TMEM233: variants seen among roughly 807,000 people sequenced by gnomAD.
TMEM233 encodes transmembrane protein 233, also known as dispanin subfamily B member 2.
TMEM233 carries 6 observed loss-of-function variants against 11.2 expected under a neutral mutation model. That is an observed-to-expected ratio of 0.54 (90% CI 0.29 to 1.06). The LOEUF (loss-of-function observed/expected upper bound fraction) is 1.06. Ranked by LOEUF, TMEM233 falls within the 50% of genes least tolerant of loss-of-function variation. The pLI is 0.08. For synonymous variants in TMEM233, 59 were observed against 55.8 expected, an observed-to-expected ratio of 1.06 and a Z score of -0.26; for missense variants, 127 against 144.7, an observed-to-expected ratio of 0.88 and a Z score of 0.63.
At chr12:119,652,121 G>T in the TMEM233 span, among the ~76,000 whole-genome samples, 1 of 152,132 alleles carries the variant, frequency 6.6e-6, no homozygotes, top group African/African-American at 2.4e-5. Flanking sequence ...GAGAAATTTG[G>T]CAATTTCTAG....
chr12:119,640,858 A>AAAC lies in TMEM233; in HGVS notation c.*155_*156insCAA. 1.4e-5 allele frequency: 8 copies of AAAC among 569,562 alleles called. No individual in the cohort carries two copies. Among genetic ancestry groups the AAAC allele is most frequent in the African/African-American group, 2.3e-5 (1 of 42,664 alleles). The allele number at this position is 569,562 out of a possible 1,614,324, so 35.3% of individuals were successfully genotyped here. A position where few individuals can be genotyped will look rare whatever the true frequency, so the allele number is the denominator to read the frequency against. The stretch of plus-strand genomic sequence containing the variant: ...GCAGGTCCCTGGCAAATGAACAAGA[A>AAAC]AAAAAAAAAAAAAAAGTCCAAAATT... On this transcript the variant is annotated 3_prime_UTR_variant, in exon 3 of 3. Coordinates refer to ENST00000426426, the MANE Select transcript of TMEM233 (RefSeq NM_001136534.3).
rs190422788 is a variant in TMEM233 at position 119,610,320 on chromosome 12, C to A, written c.186+16286C>A. On this transcript the variant is annotated intron_variant, in intron 1 of 2. Coordinates refer to ENST00000426426, the MANE Select transcript of TMEM233 (RefSeq NM_001136534.3). ...AGGCTCATAGGCAGAAGGGACTTGCCTTGTCTTCAATGAGACTTTGGATCT... is the reference window on the plus strand; with the variant it reads ...AGGCTCATAGGCAGAAGGGACTTGCATTGTCTTCAATGAGACTTTGGATCT... Among the ~76,000 whole-genome samples the A allele has an allele frequency of 4.6e-5, 7 of 152,284 alleles. No individual in the cohort carries two copies. The East Asian group carries it at 1.4e-3, about 29-fold the overall frequency.
chr12:119,618,368 C>T (rs1317705702), intron 1 of TMEM233, among the ~76,000 whole-genome samples: 1 of 152,194 alleles, frequency 6.6e-6, no homozygotes, highest in African/African-American at 2.4e-5. Flanking sequence ...CACTGGGGCA[C>T]TGCCTAGTGG....
chr12:119,627,102 A>G lies in TMEM233; in HGVS notation c.187-2634A>G, dbSNP rs182072704. 1.4e-3 allele frequency among the ~76,000 whole-genome samples: 208 copies of G among 152,354 alleles called. 1 individual carries two copies. The highest frequency in any genetic ancestry group is 0.012 in the Admixed American group (182 of 15,302). On this transcript the variant is annotated intron_variant, in intron 1 of 2. Transcript: ENST00000426426. Reference sequence around the variant, plus strand: ...TCAGAGTAGCTGCTATTTATCAGTGAGTACAGAGTATTTCAACATTTTAAC... The same window carrying G: ...TCAGAGTAGCTGCTATTTATCAGTGGGTACAGAGTATTTCAACATTTTAAC...
intron 2 of TMEM233, among the ~76,000 whole-genome samples, chr12:119,637,055 T>C (rs954202459): frequency 2.0e-5 from 3 of 152,132 alleles, no homozygotes; most frequent in African/African-American, 4.8e-5. Flanking sequence ...TGGGCTCACA[T>C]AGAAGGAATA....
chr12:119,637,102 C>T (rs950561269), intron 2 of TMEM233, among the ~76,000 whole-genome samples: 6 of 152,196 alleles, frequency 3.9e-5, no homozygotes, highest in East Asian at 3.8e-4. Flanking sequence ...GATCATTGAG[C>T]GGGGCGGCAG....
chr12:119,646,611 G>A (rs965271725), downstream of TMEM233, among the ~76,000 whole-genome samples: 2 of 152,058 alleles, frequency 1.3e-5, no homozygotes, highest in Non-Finnish European at 2.9e-5. Flanking sequence ...CATCTTCAAC[G>A]GCAGCAAAGT....
At chr12:119,640,502 A>G (rs1465146262) in intron 2 of TMEM233, among the ~76,000 whole-genome samples, 197 bp from the exon 3 acceptor site, 1 of 152,206 alleles carries the variant, frequency 6.6e-6, no homozygotes, top group Non-Finnish European at 1.5e-5. Flanking sequence ...AAGATAAAAT[A>G]AGTTTTACAA....
At chr12:119,650,628 T>TTTGTTGTTGTTGTTGTTGTTG in the TMEM233 span, among the ~76,000 whole-genome samples, 29 of 151,452 alleles carry the variant, frequency 1.9e-4, no homozygotes, top group African/African-American at 6.8e-4. Context: ...CTTATTTGAT[T>TTTGTTGTTGTTGTTGTTGTTG]TTGTTGTTGT....
At position 119,595,310 on chromosome 12, in the gene TMEM233, G is replaced by A; in HGVS notation, c.186+1276G>A. Among the ~76,000 whole-genome samples the A allele has an allele frequency of 6.6e-6, 1 of 152,212 alleles. No homozygotes were observed. On this transcript the variant is annotated intron_variant, in intron 1 of 2. Coordinates refer to ENST00000426426, the MANE Select transcript of TMEM233 (RefSeq NM_001136534.3). The surrounding 1 kb of genome is among the most constrained non-coding windows in gnomAD (Gnocchi z 4.3). Reference sequence around the variant, plus strand: ...GCCACGGAACTCCCCGGCCACAGACGCAGAGCCCTGATTCAGCGCTGTGAA... The same window carrying A: ...GCCACGGAACTCCCCGGCCACAGACACAGAGCCCTGATTCAGCGCTGTGAA...
intron 1 of TMEM233, among the ~76,000 whole-genome samples, chr12:119,623,229 G>A (rs912981425): frequency 4.6e-5 from 7 of 152,172 alleles, no homozygotes; most frequent in Non-Finnish European, 7.3e-5. Flanking sequence ...ACAGCCAGGA[G>A]TTGCCATTTA....
chr12:119,631,496 G>C (rs1954884746), intron 2 of TMEM233: 1 of 985,312 alleles, frequency 1.0e-6, no homozygotes. Context: ...AAATAAAAGA[G>C]AAAAGGACAC....
chr12:119,596,947 G>A (rs528766762), intron 1 of TMEM233, among the ~76,000 whole-genome samples: 1 of 152,332 alleles, frequency 6.6e-6, no homozygotes, highest in African/African-American at 2.4e-5. Flanking sequence ...TTGTCAGACA[G>A]ATGTATAGAT....
chr12:119,618,125 G>T (rs1428851234), intron 1 of TMEM233, among the ~76,000 whole-genome samples: 1 of 152,232 alleles, frequency 6.6e-6, no homozygotes, highest in East Asian at 1.9e-4. Context: ...TTGGACCATT[G>T]CCTCAGAGGG....
chr12:119,626,259 G>T (rs1441575378), intron 1 of TMEM233, among the ~76,000 whole-genome samples: 1 of 152,086 alleles, frequency 6.6e-6, no homozygotes, highest in African/African-American at 2.4e-5. Flanking sequence ...ATTGCTTGAG[G>T]CTGGAAGTTC....
At chr12:119,650,694 G>A in the TMEM233 span, among the ~76,000 whole-genome samples, 17 of 152,314 alleles carry the variant, frequency 1.1e-4, no homozygotes, top group African/African-American at 3.6e-4. Flanking sequence ...CCAGGCTGGG[G>A]TGCAGTGGCA....
Position 119,640,876 on chromosome 12 carries a change from C to T in TMEM233, c.*171C>T. On this transcript the variant is annotated 3_prime_UTR_variant, in exon 3 of 3. Coordinates refer to ENST00000426426, the MANE Select transcript of TMEM233 (RefSeq NM_001136534.3). ...AACAAGAAAAAAAAAAAAAAAAAGTCCAAAATTTAGGCAATCCAAGCTGCA... is the reference window on the plus strand; with the variant it reads ...AACAAGAAAAAAAAAAAAAAAAAGTTCAAAATTTAGGCAATCCAAGCTGCA... 1.7e-6 allele frequency: 1 copy of T among 592,968 alleles called. No individual in the cohort carries two copies. Among genetic ancestry groups the T allele is most frequent in the Admixed American group, 3.5e-5 (1 of 28,974 alleles). The allele number at this position is 592,968 out of a possible 1,614,324, so 36.7% of individuals were successfully genotyped here.
chr12:119,645,130 C>T (rs1048887967), downstream of TMEM233, among the ~76,000 whole-genome samples: 7 of 152,274 alleles, frequency 4.6e-5, no homozygotes, highest in Admixed American at 3.9e-4. Flanking sequence ...TGCCCTGTCT[C>T]TGCCCACAAG....
intron 2 of TMEM233, 103 bp from the exon 3 acceptor site, chr12:119,640,596 C>CAG (rs1228531076): frequency 7.6e-7 from 1 of 1,310,106 alleles, no homozygotes; most frequent in Non-Finnish European, 1.1e-6. Context: ...TGTGTTTAAC[C>CAG]AGAGTCATCA....
Sources: gnomAD v4.1 joint callset for allele counts (sites outside exome capture counted in the v4.1 genomes callset) on GRCh38, gnomAD v4.1.1 for gene constraint, Gnocchi (gnomAD v3.1) non-coding constraint, MANE v1.5 for transcripts, NCBI Gene and HGNC (gene_info 2026-07-23, HGNC 2026-07-21) for gene names.